OR2AT4: variants seen among roughly 807,000 people sequenced by gnomAD.
OR2AT4 encodes olfactory receptor 2AT4.
A neutral mutation model predicts 10.3 loss-of-function variants in OR2AT4; 6 were observed. That is an observed-to-expected ratio of 0.58 (90% CI 0.32 to 1.15). The LOEUF is 1.15. Among genes scored for constraint, OR2AT4 ranks in the 50% most tolerant of loss-of-function variants. OR2AT4 has a pLI of 0.05. For synonymous variants in OR2AT4, 145 were observed against 159.1 expected, an observed-to-expected ratio of 0.91 and a Z score of 0.67; for missense variants, 354 against 393.8, an observed-to-expected ratio of 0.90 and a Z score of 0.85.
At chr11:75,092,543 G>C (rs182704441) in intron 1 of OR2AT4, among the ~76,000 whole-genome samples, 102 of 152,300 alleles carry the variant, frequency 6.7e-4, no homozygotes, top group African/African-American at 2.4e-3. Context: ...CAGCAACCCA[G>C]AAAGCTCCCT....
exon 2 of OR2AT4, chr11:75,088,273 G>C (rs1443247192): frequency 6.6e-6 from 1 of 152,386 alleles, no homozygotes; most frequent in Non-Finnish European, 1.5e-5. Context: ...AGTTATAAAA[G>C]TTCTGTTTTT....
intron 1 of OR2AT4, among the ~76,000 whole-genome samples, chr11:75,090,632 A>G (rs1441747422): frequency 6.6e-6 from 1 of 152,212 alleles, no homozygotes; most frequent in Non-Finnish European, 1.5e-5. Context: ...AGAGAAAGAG[A>G]AACCAGTAAG....
chr11:75,094,105 G>A (rs1949334464), intron 1 of OR2AT4, among the ~76,000 whole-genome samples: 1 of 151,838 alleles, frequency 6.6e-6, no homozygotes, highest in African/African-American at 2.4e-5. Context: ...TTACAGGCGT[G>A]AACCACCGCA....
chr11:75,090,571 T>C (rs1949316471), intron 1 of OR2AT4, among the ~76,000 whole-genome samples: 1 of 152,198 alleles, frequency 6.6e-6, no homozygotes, highest in Non-Finnish European at 1.5e-5. Context: ...AATATTTGAT[T>C]TGGGGACCAT....
In OR2AT4 at chr11:75,089,518, A is replaced by G. The variant is rs780271616; in HGVS notation, c.196T>C (p.Phe66Leu). 9 of 1,614,094 alleles carry G rather than the reference A, an allele frequency of 5.6e-6. No individual in the cohort carries two copies. Among genetic ancestry groups the G allele is most frequent in the Non-Finnish European group, 7.6e-6 (9 of 1,180,024 alleles). ...AAGGTGGAGAGATTGATCAGAAAGA[A>G]GTACATGGGCTTGTGGAGGCTGGGC... Residue 66 changes from phenylalanine (F) to leucine (L), a missense_variant, in exon 2 of 2, where the codon TTC becomes CTC. Transcript: ENST00000641504.
At chr11:75,092,221 C>T (rs1350214770) in intron 1 of OR2AT4, among the ~76,000 whole-genome samples, 1 of 152,024 alleles carries the variant, frequency 6.6e-6, no homozygotes, top group Non-Finnish European at 1.5e-5. Flanking sequence ...TTAAAAGGAC[C>T]GCAAGTGTTG....
chr11:75,089,569 G>T, exon 2 of OR2AT4: 2 of 1,614,120 alleles, frequency 1.2e-6, no homozygotes, highest in Non-Finnish European at 1.7e-6. Context: ...ACCAGGATCA[G>T]GGCATTACCC....
chr11:75,096,423 G>A lies in OR2AT4; in HGVS notation c.-652+405C>T, dbSNP rs115371425. Among the ~76,000 whole-genome samples the A allele has an allele frequency of 2.0e-3, 302 of 152,302 alleles. 2 individuals are homozygous for A. Among genetic ancestry groups the A allele is most frequent in the African/African-American group, 6.7e-3 (280 of 41,576 alleles). On this transcript the variant is annotated intron_variant, in intron 1 of 1. Coordinates refer to ENST00000641504, the Ensembl canonical transcript of OR2AT4. ...ATCCTGCACTGTTTCCATAGAAAAG[G>A]AGCAGGATATACGTGAAGCACAGAA...
chr11:75,083,754 C>G (rs1172635591), exon 2 of OR2AT4: 1 of 152,072 alleles, frequency 6.6e-6, no homozygotes, highest in African/African-American at 2.4e-5. Context: ...GGTGGATCAC[C>G]TGAGTTCAGG....
chr11:75,089,257 C>T (rs1188887488), exon 2 of OR2AT4: 2 of 1,614,176 alleles, frequency 1.2e-6, no homozygotes, highest in African/African-American at 1.3e-5. Context: ...GTTAGCCAGG[C>T]ACTGGCTGCC....
exon 2 of OR2AT4, chr11:75,088,416 AT>A (rs35075519): frequency 0.029 from 5,137 of 175,816 alleles, 218 homozygotes; most frequent in African/African-American, 0.1. Context: ...AGGCCACTGC[AT>A]TTTTTTTTAT....
chr11:75,083,104 G>A (rs1400704434), exon 2 of OR2AT4: 1 of 151,652 alleles, frequency 6.6e-6, no homozygotes, highest in Non-Finnish European at 1.5e-5. Context: ...GAGGGGTGGG[G>A]AGAGAGAAGG....
intron 1 of OR2AT4, among the ~76,000 whole-genome samples, chr11:75,094,796 T>C (rs1365005740): frequency 6.6e-6 from 1 of 152,166 alleles, no homozygotes; most frequent in East Asian, 1.9e-4. Context: ...ACCACTCCAT[T>C]GTGAATGCTC....
chr11:75,086,324 A>G (rs1487883375), exon 2 of OR2AT4: 1 of 152,194 alleles, frequency 6.6e-6, no homozygotes, highest in Non-Finnish European at 1.5e-5. Flanking sequence ...CATAAGGGAA[A>G]AATGATAAGT....
In OR2AT4 at chr11:75,089,590, G is replaced by A. The variant is rs1159833646; in HGVS notation, c.124C>T (p.Leu42Phe). Residue 42 changes from leucine to phenylalanine, a missense_variant, in exon 2 of 2, where the codon CTC becomes TTC. Transcript: ENST00000641504. ...ATCAGGGCATTACCCATCAGGATGA[G>A]AAGGTAGAAGAGGAGGAAAATAAAA... 5 of 1,614,040 alleles carry A rather than the reference G, an allele frequency of 3.1e-6. No homozygotes were observed. The highest frequency in any genetic ancestry group is 2.7e-5 in the African/African-American group (2 of 74,920).
chr11:75,083,371 C>T (rs1949274691), exon 2 of OR2AT4: 1 of 152,016 alleles, frequency 6.6e-6, no homozygotes, highest in Non-Finnish European at 1.5e-5. Flanking sequence ...GTCAGAATGG[C>T]TATCATTAAA....
At chr11:75,085,853 T>C (rs1462303171) in exon 2 of OR2AT4, 6 of 151,972 alleles carry the variant, frequency 3.9e-5, no homozygotes, top group African/African-American at 1.2e-4. Flanking sequence ...AAAATTTATA[T>C]CAAAAAGCAA....
exon 2 of OR2AT4, chr11:75,089,806 T>G: frequency 7.8e-7 from 1 of 1,274,968 alleles, no homozygotes; most frequent in Non-Finnish European, 1.1e-6. Flanking sequence ...GATTCTGGAG[T>G]GATAATGCTA....
exon 2 of OR2AT4, chr11:75,089,234 C>G (rs1949307947): frequency 6.2e-7 from 1 of 1,614,088 alleles, no homozygotes; most frequent in African/African-American, 1.3e-5. Context: ...CTGGGATGGG[C>G]AGGAGGAGGG....
Sources: gnomAD v4.1 joint callset for allele counts (sites outside exome capture counted in the v4.1 genomes callset) on GRCh38, gnomAD v4.1.1 for gene constraint, MANE v1.5 for transcripts, NCBI Gene and HGNC (gene_info 2026-07-23, HGNC 2026-07-21) for gene names.